Variants in D2HGDH observed in about 807,000 individuals in gnomAD.
The protein encoded by D2HGDH is D-2-hydroxyglutarate dehydrogenase, mitochondrial.
A neutral mutation model predicts 46.9 loss-of-function variants in D2HGDH; 31 were observed. The ratio of observed to expected loss-of-function variants is 0.66; its 90% CI spans 0.50 to 0.89. The LOEUF (loss-of-function observed/expected upper bound fraction) is 0.89, where lower values mean the gene tolerates loss of function less well. D2HGDH is among the 40% of genes least tolerant of loss of function. The probability of loss-of-function intolerance (pLI) is 0.00; values close to 1 mark genes in which losing one functional copy is unlikely to be tolerated. For synonymous variants in D2HGDH, 364 were observed against 332.6 expected (o/e 1.09, Z -1.03); for missense variants, 698 against 720.8 (o/e 0.97, Z 0.36).
chr2:241,767,498 G>T (rs1441723619), intron 9 of D2HGDH, among the ~76,000 whole-genome samples: 1 of 138,324 alleles, frequency 7.2e-6, no homozygotes, highest in Non-Finnish European at 1.5e-5. Flanking sequence ...AGGAAGAGGG[G>T]GGAGAACTTG....
In D2HGDH at chr2:241,750,663, G is replaced by T. The variant is rs533497288; in HGVS notation, c.997+369G>T. On this transcript the variant is annotated intron_variant, in intron 7 of 9. Coordinates refer to ENST00000321264, the MANE Select transcript of D2HGDH (RefSeq NM_152783.5). ...TGTAAGCACGTTTTTCTTTTATGCT[G>T]GGAAAAAAGCCAATAATTTTTTGTT... Among the ~76,000 whole-genome samples, 281 of 152,196 alleles carry T rather than the reference G, an allele frequency of 1.8e-3. 3 individuals carry two copies. Among genetic ancestry groups the T allele is most frequent in the Admixed American group, 0.017 (260 of 15,286 alleles).
intron 8 of D2HGDH, chr2:241,755,030 T>C (rs1393378828): frequency 4.6e-6 from 6 of 1,295,006 alleles, no homozygotes; most frequent in Non-Finnish European, 6.1e-6. Context: ...CTCTGTCCTG[T>C]TCCTCATGGT....
chr2:241,740,979 G>T, intron 2 of D2HGDH, 54 bp from the exon 3 acceptor site: 1 of 1,466,910 alleles, frequency 6.8e-7, no homozygotes. Flanking sequence ...GTGACCACTT[G>T]CCTCATCTGC....
chr2:241,755,334 T>C (rs1697994339), intron 8 of D2HGDH: 1 of 1,302,734 alleles, frequency 7.7e-7, no homozygotes, highest in Non-Finnish European at 1.0e-6. Context: ...TGGGCCCTGC[T>C]GTTGTCCCCA....
chr2:241,741,199 A>G lies in D2HGDH; in HGVS notation c.350+109A>G, dbSNP rs567724347. On this transcript the variant is annotated intron_variant, in intron 3 of 9. Transcript: ENST00000321264. ...ACGCGGTGCGAAGCCAGCCGATGAC[A>G]TCTTGGTTTGTGTGTCTCAGTGTTT... 131 of 1,007,402 alleles carry G rather than the reference A, an allele frequency of 1.3e-4. 2 individuals carry two copies. In the South Asian group the frequency reaches 1.6e-3, roughly 13 times the overall value. The allele number at this position is 1,007,402 out of a possible 1,614,324, so 62.4% of individuals were successfully genotyped here. A position where few individuals can be genotyped will look rare whatever the true frequency, so the allele number is the denominator to read the frequency against.
At chr2:241,745,011 A>G in intron 6 of D2HGDH, 134 bp downstream of exon 6, 2 of 1,211,046 alleles carry the variant, frequency 1.7e-6, no homozygotes, top group Non-Finnish European at 2.4e-6. Flanking sequence ...GTCTCCTGAC[A>G]TCTCTGCTTC....
chr2:241,757,846 C>A (rs890457791), intron 9 of D2HGDH, among the ~76,000 whole-genome samples: 1 of 151,952 alleles, frequency 6.6e-6, no homozygotes, highest in Admixed American at 6.6e-5. Flanking sequence ...GTAATCCCAG[C>A]TACTCGGGAG....
Position 241,755,980 on chromosome 2 carries a change from G to A in D2HGDH, c.1272G>A (p.Pro424=), listed in dbSNP as rs375565047. 9.8e-4 allele frequency: 1,574 copies of A among 1,603,226 alleles called. 21 individuals are homozygous for A. The South Asian group carries it at 0.016, about 16-fold the overall frequency. Residue 424 remains proline (P), a synonymous_variant, in exon 9 of 10, where the codon CCG becomes CCA. Transcript: ENST00000321264. ...IVTDLRARLG[P]HAKHVVGYGH... is the part of the protein sequence containing the mutation. ...CTGACCTGCGCGCCCGCCTCGGCCC[G>A]CACGCCAAGCACGTGGTGGGCTATG...
At position 241,768,124 on chromosome 2, in the gene D2HGDH, G is replaced by A; in HGVS notation, c.*155G>A. 12 of 1,176,580 alleles carry A rather than the reference G, an allele frequency of 1.0e-5. No homozygotes were observed. The highest frequency in any genetic ancestry group is 9.3e-6 in the Non-Finnish European group (8 of 862,982). 72.9% of individuals were successfully genotyped at this position (1,176,580 alleles called of 1,614,324 possible). On this transcript the variant is annotated 3_prime_UTR_variant, in exon 10 of 10. Transcript: ENST00000321264. Reference sequence around the variant, plus strand: ...AGCCCGCACTGGGGAACTGCCGGACGCAGGCCCTCGGGCAGGAGCATCTGG... The same window carrying A: ...AGCCCGCACTGGGGAACTGCCGGACACAGGCCCTCGGGCAGGAGCATCTGG...
At chr2:241,737,319 C>T (rs1693198660) in intron 2 of D2HGDH, among the ~76,000 whole-genome samples, 1 of 152,198 alleles carries the variant, frequency 6.6e-6, no homozygotes, top group African/African-American at 2.4e-5. Context: ...CATTGGGAAG[C>T]AGACGTATCT....
rs112639062 is a variant in D2HGDH at position 241,751,192 on chromosome 2, C to G, written c.998-54C>G. ...CTGTTCTGCCCGAGCAGCCCTGATT[C>G]TTGCCCTGGCAGCCGGAGCCTCTGC... On this transcript the variant is annotated intron_variant, in intron 7 of 9. Transcript: ENST00000321264. 1.2e-4 allele frequency: 200 copies of G among 1,612,898 alleles called. No homozygotes were observed. In the African/African-American group the frequency reaches 2.3e-3, roughly 19 times the overall value.
At chr2:241,750,383 CGGGGGGTGCCCGGGCGGGCGGGT>C in intron 7 of D2HGDH, 89 bp downstream of exon 7, 6 of 268,690 alleles carry the variant, frequency 2.2e-5, no homozygotes, top group South Asian at 1.1e-4. Flanking sequence ...CCCGGGTGGG[CGGGGGGTGCCCGGGCGGGCGGGT>C]GGGGGGTCCC....
rs767499416 is a variant in D2HGDH at position 241,744,774 on chromosome 2, C to A, written c.750C>A (p.Asp250Glu). ...TSLRKDNTGY[D>E]LKQLFIGSEG... ...TGAGGAAGGACAACACGGGCTATGA[C>A]CTGAAGCAGCTGTTCATCGGGTCGG... The change falls in exon 6 of 10, where the codon GAC (aspartate) becomes GAA (glutamate). Residue 250 changes from aspartate (D) to glutamate (E), a missense_variant. Transcript: ENST00000321264. The A allele has an allele frequency of 6.2e-7, 1 of 1,614,238 alleles. No homozygotes were observed. The highest frequency in any genetic ancestry group is 8.5e-7 in the Non-Finnish European group (1 of 1,180,048).
In D2HGDH at chr2:241,750,213, A is replaced by C; in HGVS notation, c.916A>C (p.Ile306Leu). The C allele has an allele frequency of 6.2e-7, 1 of 1,613,982 alleles. No individual in the cohort carries two copies. The highest frequency in any genetic ancestry group is 8.5e-7 in the Non-Finnish European group (1 of 1,179,992). Residue 306 changes from isoleucine to leucine, a missense_variant, in exon 7 of 10, where the codon ATC becomes CTC. Ile to Leu is a conservative substitution (Grantham distance 5, BLOSUM62 2). Coordinates refer to ENST00000321264, the MANE Select transcript of D2HGDH (RefSeq NM_152783.5). The part of the protein sequence containing the change: ...FSTCKGMLGE[I>L]LSAFEFMDAV... The stretch of plus-strand genomic sequence containing the variant: ...CACCTGCAAGGGGATGCTGGGTGAG[A>C]TCCTGTCTGCATTCGAGTTCATGGA...
At position 241,743,141 on chromosome 2, in the gene D2HGDH, G is replaced by T. The variant is rs1360312327; in HGVS notation, c.491-481G>T. Among the ~76,000 whole-genome samples, 1 of 99,664 alleles carries T rather than the reference G, an allele frequency of 1.0e-5. No homozygotes were observed. Among genetic ancestry groups the T allele is most frequent in the East Asian group, 2.3e-4 (1 of 4,352 alleles). The allele number at this position is 99,664 out of a possible 152,430, so 65.4% of individuals were successfully genotyped here. The stretch of plus-strand genomic sequence containing the variant: ...GCATGAGGGGATCCTGACCCAGGGC[G>T]CCAGGGTCCTGCTCTGGAGCTGGGC... On this transcript the variant is annotated intron_variant, in intron 4 of 9. Coordinates refer to ENST00000321264, the MANE Select transcript of D2HGDH (RefSeq NM_152783.5). The surrounding 1 kb of genome is among the most constrained non-coding windows in gnomAD (Gnocchi z 4.8).
In D2HGDH at chr2:241,755,685, G is replaced by T. The variant is rs779921509; in HGVS notation, c.1141-164G>T. The T allele has an allele frequency of 8.1e-5, 125 of 1,551,806 alleles. No homozygotes were observed. In the African/African-American group the frequency reaches 1.4e-3, roughly 18 times the overall value. ...TCCTGGTCTGGGACATTCGCTGTCT[G>T]GGGTTGGAGCCACACCTGGTCTGGG... On this transcript the variant is annotated intron_variant, in intron 8 of 9. Transcript: ENST00000321264.
At position 241,768,800 on chromosome 2, in the gene D2HGDH, A is replaced by G. The variant is rs963062922; in HGVS notation, c.*831A>G. On this transcript the variant is annotated 3_prime_UTR_variant, in exon 10 of 10. Transcript: ENST00000321264. ...GTCATGAATGTCCAGTAAAAATCTG[A>G]ATTGGTTGCAACCTTCTCTTTGCTT... The G allele has an allele frequency of 2.6e-5, 4 of 152,190 alleles. No homozygotes were observed. The highest frequency in any genetic ancestry group is 4.8e-5 in the African/African-American group (2 of 41,418). 9.4% of individuals were successfully genotyped at this position (152,190 alleles called of 1,614,324 possible).
intron 8 of D2HGDH, among the ~76,000 whole-genome samples, chr2:241,753,873 A>G (rs1697706510): frequency 6.6e-6 from 1 of 152,232 alleles, no homozygotes; most frequent in Non-Finnish European, 1.5e-5. Flanking sequence ...AGCAGAAGGA[A>G]CAAGCTCAGC....
At chr2:241,745,807 C>T (rs1165416070) in intron 6 of D2HGDH, among the ~76,000 whole-genome samples, 1 of 152,168 alleles carries the variant, frequency 6.6e-6, no homozygotes, top group Non-Finnish European at 1.5e-5. Flanking sequence ...CATCCTCATT[C>T]TTGAAGGCTC....
Sources: gnomAD v4.1 joint callset for allele counts (sites outside exome capture counted in the v4.1 genomes callset) on GRCh38, gnomAD v4.1.1 for gene constraint, Gnocchi (gnomAD v3.1) non-coding constraint, MANE v1.5 for transcripts, NCBI Gene and HGNC (gene_info 2026-07-23, HGNC 2026-07-21) for gene names.